The following GPC5 variants were observed in gnomAD, a reference collection of about 807,000 sequenced individuals.
GPC5 encodes glypican 5.
Under a neutral mutation model 53.9 loss-of-function variants are expected in GPC5, and 47 were observed. The ratio of observed to expected loss-of-function variants is 0.87; its 90% CI spans 0.69 to 1.11. The LOEUF is 1.11. Among genes scored for constraint, GPC5 ranks in the 50% most tolerant of loss-of-function variants. GPC5 has a pLI of 0.00. For missense variants in GPC5, 748 were observed against 713.1 expected, an observed-to-expected ratio of 1.05 and a Z score of -0.56; for synonymous variants, 286 against 263.3, an observed-to-expected ratio of 1.09 and a Z score of -0.84.
intron 7 of GPC5, among the ~76,000 whole-genome samples, chr13:92,848,513 A>G (rs1448749021): frequency 1.3e-5 from 2 of 151,764 alleles, no homozygotes; most frequent in East Asian, 1.9e-4. Context: ...CCCTAGGAAT[A>G]GAAAACAAAA....
At chr13:92,144,566 G>A (rs951555934) in intron 6 of GPC5, among the ~76,000 whole-genome samples, 1 of 152,072 alleles carries the variant, frequency 6.6e-6, no homozygotes. Flanking sequence ...AAGCAAAGAA[G>A]GTGTAATTTC....
chr13:91,986,104 C>A, intron 6 of GPC5, among the ~76,000 whole-genome samples: 1 of 109,812 alleles, frequency 9.1e-6, no homozygotes, highest in Non-Finnish European at 1.7e-5. Context: ...CTTGCTGTGT[C>A]GCCCAGGCTG....
At position 91,563,566 on chromosome 13, in the gene GPC5, A is replaced by G. The variant is rs115977393; in HGVS notation, c.325+114644A>G. Among the ~76,000 whole-genome samples the G allele has an allele frequency of 3.0e-3, 462 of 152,320 alleles. 2 individuals carry two copies. Among genetic ancestry groups the G allele is most frequent in the African/African-American group, 0.01 (427 of 41,584 alleles). On this transcript the variant is annotated intron_variant, in intron 2 of 7. Coordinates refer to ENST00000377067, the MANE Select transcript of GPC5 (RefSeq NM_004466.6). ...TTCACAGAAGTTTAAGCAGTATACT[A>G]TGTTATAAATAGAACGACTTAATTG...
chr13:91,760,589 GTCTAT>G (rs1416929706), intron 5 of GPC5, among the ~76,000 whole-genome samples: 8 of 152,156 alleles, frequency 5.3e-5, no homozygotes, highest in African/African-American at 1.9e-4. Flanking sequence ...CCAAGATTAA[GTCTAT>G]TCTTCATTAT....
rs1185777278 is a variant in GPC5, at chr13:91,689,216, TATATATATATATATAC to T, written c.326-3969_326-3954del. 5.4e-3 allele frequency among the ~76,000 whole-genome samples: 655 copies of T among 121,776 alleles called. 16 individuals are homozygous for T. The highest frequency in any genetic ancestry group is 0.019 in the African/African-American group (563 of 29,342). The allele number at this position is 121,776 out of a possible 152,430, so 79.9% of individuals were successfully genotyped here. A position where few individuals can be genotyped will look rare whatever the true frequency, so the allele number is the denominator to read the frequency against. ...ATATATATATATATATATATATATA[TATATATATATATATAC>T]ACATATAAAATTATGGTATAAATTT... is the stretch of plus-strand genomic sequence containing the variant. On this transcript the variant is annotated intron_variant, in intron 2 of 7. Transcript: ENST00000377067.
At chr13:92,305,740 A>G (rs1301330289) in intron 7 of GPC5, among the ~76,000 whole-genome samples, 1 of 152,128 alleles carries the variant, frequency 6.6e-6, no homozygotes, top group Admixed American at 6.5e-5. Flanking sequence ...CATTTTAATT[A>G]TGTTTGGTAG....
At chr13:92,272,750 C>G (rs1256650712) in intron 7 of GPC5, among the ~76,000 whole-genome samples, 2 of 152,074 alleles carry the variant, frequency 1.3e-5, no homozygotes, top group African/African-American at 4.8e-5. Context: ...TACCATGGAG[C>G]TTAAAAGCAT....
intron 7 of GPC5, among the ~76,000 whole-genome samples, chr13:92,579,974 T>C (rs961131895): frequency 6.6e-6 from 1 of 152,194 alleles, no homozygotes; most frequent in Non-Finnish European, 1.5e-5. Context: ...CAAGCATATA[T>C]TCTAAAAACT....
chr13:92,356,633 A>G (rs992625427), intron 7 of GPC5, among the ~76,000 whole-genome samples: 14 of 152,174 alleles, frequency 9.2e-5, no homozygotes, highest in African/African-American at 3.4e-4. Flanking sequence ...ACTCTATGGT[A>G]TTCAGCCCAA....
rs1450322013 is a variant in GPC5, at chr13:91,736,191, TAAA to T, written c.1154+7527_1154+7529del. On this transcript the variant is annotated intron_variant, in intron 4 of 7. Coordinates refer to ENST00000377067, the MANE Select transcript of GPC5 (RefSeq NM_004466.6). ...TTAAAAAATTAAGATAATAAAATAA[TAAA>T]GCAGGAATGTTCAAGGGTAAATTGT... Among the ~76,000 whole-genome samples the T allele has an allele frequency of 1.3e-5, 2 of 151,122 alleles. 1 individual carries two copies. Among genetic ancestry groups the T allele is most frequent in the African/African-American group, 4.9e-5 (2 of 40,554 alleles).
chr13:92,105,204 C>T (rs1480311920), intron 6 of GPC5, among the ~76,000 whole-genome samples: 3 of 151,824 alleles, frequency 2.0e-5, no homozygotes, highest in African/African-American at 4.8e-5. Context: ...CACAACTATG[C>T]GTTGTTTTAA....
At chr13:92,782,390 C>T (rs1228100255) in intron 7 of GPC5, among the ~76,000 whole-genome samples, 7 of 152,056 alleles carry the variant, frequency 4.6e-5, no homozygotes, top group East Asian at 1.9e-4. Flanking sequence ...CACTGCAGCC[C>T]GTGCTAAGTT....
intron 2 of GPC5, among the ~76,000 whole-genome samples, chr13:91,576,635 G>A (rs994209495): frequency 3.3e-5 from 5 of 152,116 alleles, no homozygotes; most frequent in Non-Finnish European, 7.4e-5. Flanking sequence ...TCAGGACCAC[G>A]CTGCCCCTCC....
intron 7 of GPC5, among the ~76,000 whole-genome samples, chr13:92,472,282 T>A (rs1566605472): frequency 6.6e-6 from 1 of 152,148 alleles, no homozygotes; most frequent in Non-Finnish European, 1.5e-5. Flanking sequence ...CAGGAATATT[T>A]ATTGGAAGTT....
intron 7 of GPC5, among the ~76,000 whole-genome samples, chr13:92,498,558 T>C (rs1279439360): frequency 6.6e-6 from 1 of 152,044 alleles, no homozygotes; most frequent in Non-Finnish European, 1.5e-5. Context: ...CTGGGACCAA[T>C]TATTATTTTA....
intron 7 of GPC5, among the ~76,000 whole-genome samples, chr13:92,794,865 A>T (rs1416088320): frequency 2.0e-5 from 3 of 151,994 alleles, no homozygotes; most frequent in Admixed American, 2.0e-4. Context: ...CTACAAACCA[A>T]TGCTCAATGA....
Position 91,821,295 on chromosome 13 carries a change from C to A in GPC5, c.1280+64875C>A, listed in dbSNP as rs571516874. 2.0e-5 allele frequency among the ~76,000 whole-genome samples: 3 copies of A among 152,202 alleles called. No homozygotes were observed. The South Asian group carries it at 6.2e-4, about 32-fold the overall frequency. The stretch of plus-strand genomic sequence containing the variant: ...TTGCTGTTGTTTATAAATAGGAATG[C>A]AATTTAATACATATGTCAAGTTTAT... On this transcript the variant is annotated intron_variant, in intron 5 of 7. Transcript: ENST00000377067.
chr13:91,686,082 T>G (rs1470475021), intron 2 of GPC5, among the ~76,000 whole-genome samples: 1 of 152,080 alleles, frequency 6.6e-6, no homozygotes, highest in Admixed American at 6.5e-5. Context: ...TTAAAGATTA[T>G]TAGAAAATTT....
intron 7 of GPC5, among the ~76,000 whole-genome samples, chr13:92,398,855 G>T (rs1875422231): frequency 6.6e-6 from 1 of 151,986 alleles, no homozygotes; most frequent in Admixed American, 6.6e-5. Flanking sequence ...TACATACCCA[G>T]AAAATCACCA....
Sources: allele counts gnomAD v4.1 joint callset (sites outside exome capture counted in the v4.1 genomes callset), GRCh38; gene constraint gnomAD v4.1.1; transcripts MANE v1.5; gene names NCBI Gene and HGNC (gene_info 2026-07-23, HGNC 2026-07-21).